Variants in GLB1 observed in about 807,000 individuals in gnomAD.
GLB1 encodes beta-galactosidase.
In GLB1, 56 loss-of-function variants were observed where a neutral mutation model predicts 74.0. That is an observed-to-expected ratio of 0.76 (90% CI 0.61 to 0.94). The LOEUF (loss-of-function observed/expected upper bound fraction) is 0.94. Ranked by LOEUF, GLB1 falls within the 40% of genes least tolerant of loss-of-function variation. The pLI, the probability that GLB1 is intolerant of heterozygous loss-of-function variation, is 0.00. For synonymous variants in GLB1, 323 were observed against 323.6 expected (o/e 1.00, Z 0.02); for missense variants, 787 against 845.5 (o/e 0.93, Z 0.86).
chr3:32,994,037 A>G (rs9826680), downstream of GLB1, among the ~76,000 whole-genome samples: 4,827 of 152,314 alleles, frequency 0.032, 158 homozygotes, highest in East Asian at 0.073. Context: ...ACAGTTCAAT[A>G]TAAATTACTA....
At chr3:33,061,301 C>T (rs555118543) in intron 5 of GLB1, among the ~76,000 whole-genome samples, 1 of 152,248 alleles carries the variant, frequency 6.6e-6, no homozygotes, top group South Asian at 2.1e-4. Flanking sequence ...GTAATCCCAG[C>T]TATTTGAGAG....
chr3:32,981,415 A>AG, the GLB1 span, among the ~76,000 whole-genome samples: 679 of 144,588 alleles, frequency 4.7e-3, 7 homozygotes, highest in African/African-American at 0.016. Flanking sequence ...AAAAAAAAAA[A>AG]AGAAAAAGAA....
chr3:33,022,620 G>A lies in GLB1; in HGVS notation c.1144-965C>T, dbSNP rs546505942. Among the ~76,000 whole-genome samples, 364 of 122,048 alleles carry A rather than the reference G, an allele frequency of 3.0e-3. 1 individual carries two copies. The highest frequency in any genetic ancestry group is 0.01 in the African/African-American group (348 of 34,036). The allele number at this position is 122,048 out of a possible 152,430, so 80.1% of individuals were successfully genotyped here. A position where few individuals can be genotyped will look rare whatever the true frequency, so the allele number is the denominator to read the frequency against. On this transcript the variant is annotated intron_variant, in intron 11 of 15. Transcript: ENST00000307363. The stretch of plus-strand genomic sequence containing the variant: ...ACTCTGTCACCCAGGCTGGTAGGCT[G>A]GAGTGCAGTGGCGTAATCTTGGCTC...
intron 1 of GLB1, among the ~76,000 whole-genome samples, chr3:33,073,594 A>C (rs1699969694): frequency 6.6e-6 from 1 of 151,940 alleles, no homozygotes; most frequent in African/African-American, 2.4e-5. Flanking sequence ...AGGCTGAGAC[A>C]CGAGAATCGC....
At chr3:32,971,741 C>A in the GLB1 span, among the ~76,000 whole-genome samples, 1 of 152,204 alleles carries the variant, frequency 6.6e-6, no homozygotes, top group Non-Finnish European at 1.5e-5. Context: ...TGGAGAAACG[C>A]CCAGAACGAC....
At chr3:33,036,355 T>C (rs1292603584) in intron 10 of GLB1, among the ~76,000 whole-genome samples, 1 of 152,218 alleles carries the variant, frequency 6.6e-6, no homozygotes, top group African/African-American at 2.4e-5. Flanking sequence ...AATAAAAATG[T>C]GCTGTTATAA....
chr3:33,090,710 G>C, intron 1 of GLB1: 1 of 985,398 alleles, frequency 1.0e-6, no homozygotes, highest in East Asian at 1.1e-4. Context: ...GACAGTGATG[G>C]AGAAATTTCT....
intron 12 of GLB1, among the ~76,000 whole-genome samples, chr3:33,020,459 G>A (rs1697420504): frequency 6.6e-6 from 1 of 152,102 alleles, no homozygotes; most frequent in South Asian, 2.1e-4. Flanking sequence ...TGGTCTCACG[G>A]GCATCCTGCT....
intron 10 of GLB1, among the ~76,000 whole-genome samples, chr3:33,025,400 G>A (rs970866791): frequency 6.6e-6 from 1 of 152,356 alleles, no homozygotes; most frequent in East Asian, 1.9e-4. Flanking sequence ...CAATTATGGA[G>A]TAAGAAGATC....
chr3:32,986,539 C>T, the GLB1 span, among the ~76,000 whole-genome samples: 3 of 152,024 alleles, frequency 2.0e-5, no homozygotes, highest in Non-Finnish European at 2.9e-5. Context: ...TCACCTATGT[C>T]GCCGTGAATG....
At chr3:33,014,639 T>C (rs528636612) in intron 14 of GLB1, among the ~76,000 whole-genome samples, 5 of 152,334 alleles carry the variant, frequency 3.3e-5, no homozygotes, top group South Asian at 4.1e-4. Flanking sequence ...AGAGTTTGGC[T>C]GAGAGCCACT....
At chr3:33,034,445 C>T (rs998006172) in intron 10 of GLB1, 19 of 733,090 alleles carry the variant, frequency 2.6e-5, no homozygotes, top group Middle Eastern at 2.6e-4. Flanking sequence ...CAAGGATGGC[C>T]AGTGGAAGGA....
intron 6 of GLB1, among the ~76,000 whole-genome samples, chr3:33,054,680 A>C (rs1699144380): frequency 1.3e-5 from 2 of 152,330 alleles, no homozygotes; most frequent in Admixed American, 1.3e-4. Context: ...CTGGATTCTA[A>C]TTTGTACATC....
chr3:33,049,047 T>A (rs77221080), intron 9 of GLB1, among the ~76,000 whole-genome samples: 8,003 of 152,192 alleles, frequency 0.053, 306 homozygotes, highest in African/African-American at 0.11. Context: ...AATTTTTTTT[T>A]AAGATGAATG....
downstream of GLB1, among the ~76,000 whole-genome samples, chr3:32,993,096 T>C (rs1245779698): frequency 6.6e-6 from 1 of 152,210 alleles, no homozygotes; most frequent in African/African-American, 2.4e-5. Flanking sequence ...ATGACTTCTT[T>C]TTCATAAAGG....
chr3:32,995,560 TA>T (rs1696293265), downstream of GLB1, among the ~76,000 whole-genome samples: 1 of 152,162 alleles, frequency 6.6e-6, no homozygotes, highest in Non-Finnish European at 1.5e-5. Flanking sequence ...AACCTGTGTT[TA>T]AAGACTCACT....
intron 6 of GLB1, among the ~76,000 whole-genome samples, chr3:33,057,800 AC>A (rs1390506781): frequency 6.6e-6 from 1 of 152,154 alleles, no homozygotes; most frequent in Non-Finnish European, 1.5e-5. Context: ...GGAGATGCCT[AC>A]CTGCTTCTTC....
chr3:33,092,695 T>A (rs1700815969), intron 1 of GLB1: 2 of 1,438,850 alleles, frequency 1.4e-6, no homozygotes, highest in East Asian at 2.4e-5. Flanking sequence ...AAGTCACTGT[T>A]TGAGTCAGGC....
intron 1 of GLB1, chr3:33,094,136 G>C: frequency 6.2e-7 from 1 of 1,613,730 alleles, no homozygotes. Context: ...TGGACACGAA[G>C]ACAGTGACAG....
Sources: allele counts gnomAD v4.1 joint callset (sites outside exome capture counted in the v4.1 genomes callset), GRCh38; gene constraint gnomAD v4.1.1; transcripts MANE v1.5; gene names NCBI Gene and HGNC (gene_info 2026-07-23, HGNC 2026-07-21).